MAML3: variants seen among roughly 807,000 people sequenced by gnomAD.
The protein encoded by MAML3 is mastermind-like protein 3.
In MAML3, 27 loss-of-function variants were observed where a neutral mutation model predicts 101.9. The observed-to-expected ratio is 0.27, with a 90% CI of 0.20 to 0.37. The LOEUF is 0.37. Among genes scored for constraint, MAML3 ranks in the 10% least tolerant of loss-of-function variants. The pLI is 1.00. For missense variants in MAML3, 1,316 were observed against 1,444.9 expected, an observed-to-expected ratio of 0.91 and a Z score of 1.45; for synonymous variants, 501 against 555.9, an observed-to-expected ratio of 0.90 and a Z score of 1.39.
intron 1 of MAML3, among the ~76,000 whole-genome samples, chr4:139,985,376 C>T (rs1363971782): frequency 1.3e-5 from 2 of 152,162 alleles, no homozygotes; most frequent in East Asian, 3.9e-4. Context: ...GAGGAATGCT[C>T]AAATCTTAAA....
intron 1 of MAML3, among the ~76,000 whole-genome samples, chr4:140,030,909 A>G (rs970553823): frequency 2.0e-5 from 3 of 152,212 alleles, no homozygotes; most frequent in Non-Finnish European, 4.4e-5. Context: ...ATAATGAGAA[A>G]CTCAGAAATT....
chr4:139,812,295 C>G (rs536543956), intron 2 of MAML3, among the ~76,000 whole-genome samples: 1 of 152,282 alleles, frequency 6.6e-6, no homozygotes, highest in African/African-American at 2.4e-5. Flanking sequence ...CACTAGGTAC[C>G]TCTGATGATG....
In MAML3 at chr4:139,984,237, G is replaced by C. The variant is rs535703577; in HGVS notation, c.469-93270C>G. 2.6e-4 allele frequency among the ~76,000 whole-genome samples: 40 copies of C among 152,204 alleles called. No individual in the cohort carries two copies. The South Asian group carries it at 7.9e-3, about 30-fold the overall frequency. ...GAGAATAGATGGTTCGCATGGGGTG[G>C]AGGAGAATATATTGCAAATGCGGAG... On this transcript the variant is annotated intron_variant, in intron 1 of 4. Transcript: ENST00000509479.
intron 2 of MAML3, among the ~76,000 whole-genome samples, chr4:139,745,376 TCAGATTAGAA>T (rs1420857956): frequency 6.6e-6 from 1 of 152,124 alleles, no homozygotes; most frequent in Non-Finnish European, 1.5e-5. Context: ...TAAGCTAGTG[TCAGATTAGAA>T]CAGGGCTGGA....
chr4:139,882,505 G>A (rs1732239118), intron 2 of MAML3, among the ~76,000 whole-genome samples: 1 of 152,108 alleles, frequency 6.6e-6, no homozygotes, highest in African/African-American at 2.4e-5. Context: ...GGAAGTCAGA[G>A]GACCATGAAG....
At chr4:140,099,597 A>C (rs1458102639) in intron 1 of MAML3, among the ~76,000 whole-genome samples, 1 of 152,166 alleles carries the variant, frequency 6.6e-6, no homozygotes, top group Non-Finnish European at 1.5e-5. Flanking sequence ...TCTGAATCTC[A>C]ATCCTATTCA....
intron 2 of MAML3, among the ~76,000 whole-genome samples, chr4:139,842,287 TC>T (rs1731376110): frequency 6.6e-6 from 1 of 152,240 alleles, no homozygotes; most frequent in African/African-American, 2.4e-5. Context: ...GTTGTTTTAT[TC>T]ATGCGAACAT....
chr4:139,987,366 A>G (rs1734557981), intron 1 of MAML3, among the ~76,000 whole-genome samples: 1 of 152,200 alleles, frequency 6.6e-6, no homozygotes, highest in Non-Finnish European at 1.5e-5. Flanking sequence ...TTGTTTCTGA[A>G]TACTGCTGGT....
At chr4:139,858,431 G>A (rs897314730) in intron 2 of MAML3, among the ~76,000 whole-genome samples, 5 of 147,824 alleles carry the variant, frequency 3.4e-5, no homozygotes, top group South Asian at 4.3e-4. Flanking sequence ...AACTATGGCT[G>A]GGTAGCCTGA....
intron 1 of MAML3, among the ~76,000 whole-genome samples, chr4:140,053,103 G>C (rs62345564): frequency 0.19 from 29,581 of 152,048 alleles, 3,256 homozygotes; most frequent in Non-Finnish European, 0.24. Context: ...ATCATGATAA[G>C]AGACAAATAC....
intron 2 of MAML3, among the ~76,000 whole-genome samples, chr4:139,853,732 G>A (rs1343283597): frequency 1.3e-5 from 2 of 152,182 alleles, no homozygotes; most frequent in Non-Finnish European, 2.9e-5. Context: ...CCAAGGTTGG[G>A]GGAGTGGGAG....
At chr4:139,884,242 C>G (rs929349455) in intron 2 of MAML3, among the ~76,000 whole-genome samples, 2 of 152,144 alleles carry the variant, frequency 1.3e-5, no homozygotes, top group Admixed American at 6.6e-5. Context: ...ATGAATTTTG[C>G]AGCTCTGTTC....
chr4:139,766,759 G>A (rs544888411), intron 2 of MAML3, among the ~76,000 whole-genome samples: 1 of 152,348 alleles, frequency 6.6e-6, no homozygotes, highest in South Asian at 2.1e-4. Flanking sequence ...GTCAAGGGAA[G>A]GTAAAGGTTC....
chr4:140,116,030 A>G (rs1192215430), intron 1 of MAML3, among the ~76,000 whole-genome samples: 1 of 152,198 alleles, frequency 6.6e-6, no homozygotes, highest in Non-Finnish European at 1.5e-5. Context: ...AATGTCCTTT[A>G]AGATCCTTTA....
At chr4:139,981,660 A>G (rs1035211137) in intron 1 of MAML3, among the ~76,000 whole-genome samples, 1 of 152,174 alleles carries the variant, frequency 6.6e-6, no homozygotes, top group Non-Finnish European at 1.5e-5. Flanking sequence ...AGATACCAAC[A>G]TTACCTTTAG....
chr4:140,015,432 G>A (rs932386227), intron 1 of MAML3, among the ~76,000 whole-genome samples: 22 of 152,096 alleles, frequency 1.4e-4, no homozygotes, highest in African/African-American at 4.1e-4. Context: ...TATAATATTC[G>A]AACTTCTTTA....
intron 2 of MAML3, among the ~76,000 whole-genome samples, chr4:139,733,788 A>C (rs1343615041): frequency 5.9e-5 from 9 of 152,100 alleles, no homozygotes; most frequent in Non-Finnish European, 1.3e-4. Context: ...GGGCTCAAGC[A>C]ATCTTCCTGC....
intron 2 of MAML3, among the ~76,000 whole-genome samples, chr4:139,772,030 C>G (rs6810771): frequency 0.024 from 3,650 of 150,680 alleles, 122 homozygotes; most frequent in African/African-American, 0.064. Context: ...ACGAGGTCAG[C>G]AGATCCAGAC....
At chr4:139,893,232 C>A (rs1400598311) in intron 1 of MAML3, among the ~76,000 whole-genome samples, 1 of 152,144 alleles carries the variant, frequency 6.6e-6, no homozygotes, top group East Asian at 1.9e-4. Context: ...CTCCTCTTCC[C>A]CTGGGTAATA....
Sources: allele counts gnomAD v4.1 joint callset (sites outside exome capture counted in the v4.1 genomes callset), GRCh38; gene constraint gnomAD v4.1.1; transcripts MANE v1.5; gene names NCBI Gene and HGNC (gene_info 2026-07-23, HGNC 2026-07-21).